The following PCDHA4 variants were observed in gnomAD, a reference collection of about 807,000 sequenced individuals.
PCDHA4 encodes protocadherin alpha-4.
In PCDHA4, 49 loss-of-function variants were observed where a neutral mutation model predicts 61.4. The ratio of observed to expected loss-of-function variants is 0.80; its 90% CI spans 0.63 to 1.01. The LOEUF (loss-of-function observed/expected upper bound fraction) is 1.01. Ranked by LOEUF, PCDHA4 falls within the 50% of genes least tolerant of loss-of-function variation. The pLI is 0.00. For missense variants in PCDHA4, 1,254 were observed against 1,235.8 expected, an observed-to-expected ratio of 1.01 and a Z score of -0.22; for synonymous variants, 590 against 550.3, an observed-to-expected ratio of 1.07 and a Z score of -1.01.
intron 1 of PCDHA4, among the ~76,000 whole-genome samples, chr5:140,931,648 T>G (rs1258876806): frequency 6.6e-6 from 1 of 152,014 alleles, no homozygotes; most frequent in African/African-American, 2.4e-5. Context: ...TGCTAATAAT[T>G]GTTGTGGGCT....
rs562721543 is a variant in PCDHA4, at chr5:140,968,426, A to G, written c.2386-10523A>G. ...CTTTGTGACTGTGGAGGCTCAGGAC[A>G]AGGGGAGCCCACCACTGAGCAGCAC... On this transcript the variant is annotated intron_variant, in intron 1 of 3. Transcript: ENST00000530339. 135 of 1,614,020 alleles carry G rather than the reference A, an allele frequency of 8.4e-5. 2 individuals carry two copies. In the South Asian group the frequency reaches 1.4e-3, roughly 16 times the overall value.
chr5:140,875,478 G>T, intron 1 of PCDHA4: 4 of 1,610,404 alleles, frequency 2.5e-6, no homozygotes, highest in Non-Finnish European at 3.4e-6. Flanking sequence ...CTGCAATGGT[G>T]ATTATCGGAC....
intron 1 of PCDHA4, chr5:140,817,082 C>T (rs1396398614): frequency 6.6e-6 from 1 of 152,236 alleles, no homozygotes; most frequent in Non-Finnish European, 1.5e-5. Context: ...TGAGGAGCAT[C>T]AGCCCGCCAC....
chr5:140,835,824 G>T, intron 1 of PCDHA4: 1 of 1,612,592 alleles, frequency 6.2e-7, no homozygotes, highest in Non-Finnish European at 8.5e-7. Context: ...GTCGGCGGGG[G>T]ACGCGGACGC....
chr5:140,983,228 A>G (rs1012242202), intron 3 of PCDHA4, among the ~76,000 whole-genome samples: 1 of 152,240 alleles, frequency 6.6e-6, no homozygotes, highest in South Asian at 2.1e-4. Flanking sequence ...CCAAACTTTC[A>G]GGAAAGAGAA....
chr5:140,894,478 A>C (rs2064495460), intron 1 of PCDHA4, among the ~76,000 whole-genome samples: 2 of 151,508 alleles, frequency 1.3e-5, no homozygotes, highest in South Asian at 4.2e-4. Context: ...TCTTGTTTTC[A>C]TCTTATAGTT....
At chr5:140,928,585 G>A (rs1554206029) in intron 1 of PCDHA4, 1 of 1,614,194 alleles carries the variant, frequency 6.2e-7, no homozygotes, top group Admixed American at 1.7e-5. Context: ...AAATGGTTCT[G>A]TCCCAGTGGA....
chr5:140,838,179 T>A (rs1554136904), intron 1 of PCDHA4, among the ~76,000 whole-genome samples: 1 of 150,072 alleles, frequency 6.7e-6, no homozygotes, highest in East Asian at 2.0e-4. Context: ...AGTGGTGCAA[T>A]CTCAGCTCAC....
At chr5:140,970,466 A>G (rs549761303) in intron 1 of PCDHA4, among the ~76,000 whole-genome samples, 51 of 152,334 alleles carry the variant, frequency 3.3e-4, no homozygotes, top group Non-Finnish European at 4.4e-4. Context: ...TTAAGTAGGT[A>G]TAAGGCCAGC....
intron 1 of PCDHA4, among the ~76,000 whole-genome samples, chr5:140,935,104 A>G (rs1233919640): frequency 2.0e-5 from 3 of 152,126 alleles, no homozygotes; most frequent in Non-Finnish European, 4.4e-5. Context: ...GCCATTTTTC[A>G]AAGAGCTTTC....
At chr5:140,975,068 C>T (rs1273763502) in intron 1 of PCDHA4, among the ~76,000 whole-genome samples, 4 of 152,134 alleles carry the variant, frequency 2.6e-5, no homozygotes, top group African/African-American at 9.7e-5. Flanking sequence ...CGAGCTCATT[C>T]AGATTGTTGG....
chr5:140,862,365 G>C, intron 1 of PCDHA4: 1 of 337,898 alleles, frequency 3.0e-6, no homozygotes, highest in South Asian at 2.4e-5. Flanking sequence ...CAGACGACCC[G>C]CACCCTGACT....
intron 1 of PCDHA4, chr5:140,858,129 T>A (rs1258479453): frequency 6.3e-7 from 1 of 1,597,464 alleles, no homozygotes; most frequent in Non-Finnish European, 8.6e-7. Context: ...CTGGTGGATG[T>A]CAACGTGTAC....
At chr5:140,927,669 T>G in intron 1 of PCDHA4, 1 of 1,614,106 alleles carries the variant, frequency 6.2e-7, no homozygotes. Context: ...AAGCCTTGGA[T>G]CCAGATGAAG....
intron 1 of PCDHA4, chr5:140,967,458 A>T (rs1042156831): frequency 6.2e-7 from 1 of 1,613,546 alleles, no homozygotes; most frequent in Non-Finnish European, 8.5e-7. Flanking sequence ...ACAGCCGTGG[A>T]TGGGGGCATC....
At chr5:140,863,648 T>C (rs2048105633) in intron 1 of PCDHA4, 2 of 299,994 alleles carry the variant, frequency 6.7e-6, no homozygotes, top group Non-Finnish European at 1.3e-5. Context: ...AAGTTATTAA[T>C]TTGATTGCTT....
intron 1 of PCDHA4, among the ~76,000 whole-genome samples, chr5:140,903,619 A>T (rs1272385465): frequency 1.3e-5 from 2 of 152,226 alleles, no homozygotes; most frequent in African/African-American, 2.4e-5. Flanking sequence ...ATGAATGTGC[A>T]TGCATATGTA....
intron 1 of PCDHA4, among the ~76,000 whole-genome samples, chr5:140,926,207 C>A (rs1259453811): frequency 6.6e-6 from 1 of 152,074 alleles, no homozygotes; most frequent in Non-Finnish European, 1.5e-5. Flanking sequence ...TCGGGGGGCT[C>A]CTGTTTCCTT....
At chr5:140,876,672 C>T in intron 1 of PCDHA4, 1 of 1,614,208 alleles carries the variant, frequency 6.2e-7, no homozygotes, top group Non-Finnish European at 8.5e-7. Context: ...TGGTGTCCAC[C>T]TACAAGAATT....
Sources: allele counts gnomAD v4.1 joint callset (sites outside exome capture counted in the v4.1 genomes callset), GRCh38; gene constraint gnomAD v4.1.1; transcripts MANE v1.5; gene names NCBI Gene and HGNC (gene_info 2026-07-23, HGNC 2026-07-21).